Variants in KCNT2 observed in about 807,000 individuals in gnomAD.
The protein encoded by KCNT2 is potassium sodium-activated channel subfamily T member 2.
KCNT2 carries 67 observed loss-of-function variants against 153.8 expected under a neutral mutation model. The ratio of observed to expected loss-of-function variants is 0.44; its 90% confidence interval spans 0.36 to 0.53. KCNT2 has a LOEUF of 0.53. KCNT2 is among the 20% of genes least tolerant of loss of function. KCNT2 has a pLI of 0.00. For synonymous variants in KCNT2, 500 were observed against 458.8 expected, an observed-to-expected ratio of 1.09 and a Z score of -1.15; for missense variants, 975 against 1,354.8, an observed-to-expected ratio of 0.72 and a Z score of 4.40.
intron 6 of KCNT2, among the ~76,000 whole-genome samples, chr1:196,468,165 G>A (rs188755439): frequency 2.0e-5 from 3 of 151,916 alleles, no homozygotes; most frequent in Non-Finnish European, 2.9e-5. Flanking sequence ...TCATAATATT[G>A]CCTCTTACTC....
intron 25 of KCNT2, chr1:196,273,410 G>T: frequency 1.8e-6 from 2 of 1,111,068 alleles, no homozygotes; most frequent in Non-Finnish European, 2.6e-6. Context: ...TTCTTTAATA[G>T]CTCTGAATTA....
chr1:196,339,848 G>C (rs546917879), intron 16 of KCNT2, among the ~76,000 whole-genome samples: 1 of 152,148 alleles, frequency 6.6e-6, no homozygotes, highest in East Asian at 1.9e-4. Context: ...TCAGTGGTGA[G>C]AGTGAGGTAA....
rs1655793078 is a variant in KCNT2 at position 196,249,822 on chromosome 1, T to C, written c.3211+8372A>G. The stretch of plus-strand genomic sequence containing the variant: ...TTTTATATGCCAACAGTGAACAATC[T>C]GATAAAATCAAGAAGGTAATCCCAT... On this transcript the variant is annotated intron_variant, in intron 26 of 27. Transcript: ENST00000294725. 2.0e-5 allele frequency among the ~76,000 whole-genome samples: 3 copies of C among 151,786 alleles called. No individual in the cohort carries two copies. In the South Asian group the frequency reaches 6.2e-4, roughly 32 times the overall value.
chr1:196,308,230 C>T (rs1169561701), intron 21 of KCNT2, among the ~76,000 whole-genome samples: 1 of 151,960 alleles, frequency 6.6e-6, no homozygotes, highest in Non-Finnish European at 1.5e-5. Context: ...TAAGAGTTGT[C>T]TATGTAAGAT....
chr1:196,443,276 G>A (rs150848299), intron 8 of KCNT2, among the ~76,000 whole-genome samples: 14 of 151,626 alleles, frequency 9.2e-5, no homozygotes, highest in African/African-American at 3.4e-4. Context: ...ACGTTGTAAT[G>A]AAAGCCATAG....
At chr1:196,403,890 G>C (rs747720362) in intron 12 of KCNT2, among the ~76,000 whole-genome samples, 8 of 151,490 alleles carry the variant, frequency 5.3e-5, no homozygotes, top group Non-Finnish European at 1.0e-4. Context: ...CAGAAGTTTT[G>C]GTTATTGTAT....
chr1:196,368,813 G>A (rs1572191155), intron 14 of KCNT2, among the ~76,000 whole-genome samples: 1 of 152,006 alleles, frequency 6.6e-6, no homozygotes, highest in Non-Finnish European at 1.5e-5. Flanking sequence ...TGACTGGCAC[G>A]ATCCACCACC....
At chr1:196,484,263 CCATTGAT>C (rs1245051171) in intron 3 of KCNT2, among the ~76,000 whole-genome samples, 1 of 151,870 alleles carries the variant, frequency 6.6e-6, no homozygotes, top group Non-Finnish European at 1.5e-5. Context: ...TTGCATTTTT[CCATTGAT>C]CAGTGATGTT....
intron 8 of KCNT2, among the ~76,000 whole-genome samples, chr1:196,438,082 T>G (rs1674886192): frequency 6.6e-6 from 1 of 151,682 alleles, no homozygotes; most frequent in Non-Finnish European, 1.5e-5. Flanking sequence ...AACTTCCCAT[T>G]GGCTATAATG....
chr1:196,493,846 C>A (rs1213809425), intron 1 of KCNT2, among the ~76,000 whole-genome samples: 1 of 151,876 alleles, frequency 6.6e-6, no homozygotes, highest in Non-Finnish European at 1.5e-5. Context: ...TTTATTTCCT[C>A]GTTATCATAT....
At chr1:196,282,819 C>T (rs1398959553) in intron 23 of KCNT2, among the ~76,000 whole-genome samples, 2 of 152,074 alleles carry the variant, frequency 1.3e-5, no homozygotes, top group Admixed American at 6.6e-5. Flanking sequence ...TTCCACAACA[C>T]TTCATGATAA....
At position 196,459,492 on chromosome 1, in the gene KCNT2, T is replaced by C. The variant is rs141034924; in HGVS notation, c.638+5801A>G. Among the ~76,000 whole-genome samples the C allele has an allele frequency of 6.6e-4, 101 of 151,982 alleles. 3 individuals carry two copies. The East Asian group carries it at 0.019, about 28-fold the overall frequency. The stretch of plus-strand genomic sequence containing the variant: ...AAAAACATGATGGCACTTATGATAA[T>C]GCTCTGAGTATTTAACCAGTTTGTT... On this transcript the variant is annotated intron_variant, in intron 8 of 27. Coordinates refer to ENST00000294725, the MANE Select transcript of KCNT2 (RefSeq NM_198503.5).
At chr1:196,319,083 T>A (rs1663027018) in intron 20 of KCNT2, among the ~76,000 whole-genome samples, 1 of 151,812 alleles carries the variant, frequency 6.6e-6, no homozygotes, top group African/African-American at 2.4e-5. Flanking sequence ...CTCCAATTTA[T>A]AAATCTAAGT....
At chr1:196,603,269 G>A (rs563068551) in intron 1 of KCNT2, among the ~76,000 whole-genome samples, 13 of 152,052 alleles carry the variant, frequency 8.5e-5, no homozygotes, top group African/African-American at 2.4e-4. Flanking sequence ...TGCCACTATC[G>A]ATTAAAGAGT....
At chr1:196,289,971 T>C (rs1660035645) in intron 22 of KCNT2, among the ~76,000 whole-genome samples, 2 of 152,098 alleles carry the variant, frequency 1.3e-5, no homozygotes, top group Non-Finnish European at 2.9e-5. Context: ...AACATGTGCC[T>C]TTCTTGGAAG....
At chr1:196,490,026 C>T (rs752711588) in intron 2 of KCNT2, 89 bp from the exon 3 acceptor site, 8 of 602,692 alleles carry the variant, frequency 1.3e-5, no homozygotes, top group Non-Finnish European at 8.7e-6. Context: ...AATTTAAATA[C>T]AGCACTTAAA....
intron 27 of KCNT2, among the ~76,000 whole-genome samples, chr1:196,228,936 T>TA (rs1250935474): frequency 1.3e-5 from 2 of 152,130 alleles, no homozygotes; most frequent in Non-Finnish European, 2.9e-5. Context: ...ATTATTTATC[T>TA]AAAATTCAGC....
chr1:196,335,778 C>T (rs1034985587), intron 16 of KCNT2, among the ~76,000 whole-genome samples: 11 of 152,060 alleles, frequency 7.2e-5, no homozygotes, highest in Admixed American at 6.6e-5. Flanking sequence ...TATGCATTCA[C>T]CCTTTGATCA....
chr1:196,350,096 CA>C (rs1166329939), intron 14 of KCNT2, among the ~76,000 whole-genome samples: 1 of 152,064 alleles, frequency 6.6e-6, no homozygotes, highest in African/African-American at 2.4e-5. Context: ...TTTCTTAATC[CA>C]GTCTATCATT....
Sources: allele counts gnomAD v4.1 joint callset (sites outside exome capture counted in the v4.1 genomes callset), GRCh38; gene constraint gnomAD v4.1.1; transcripts MANE v1.5; gene names NCBI Gene and HGNC (gene_info 2026-07-23, HGNC 2026-07-21).